The following SLC26A7 variants were observed in gnomAD, a reference collection of about 807,000 sequenced individuals.
SLC26A7 encodes the protein anion exchange transporter.
In SLC26A7, 59 loss-of-function variants were observed where a neutral mutation model predicts 82.5. That is an observed-to-expected ratio of 0.72 (90% CI 0.58 to 0.89). The LOEUF is 0.89. SLC26A7 is among the 40% of genes least tolerant of loss of function. SLC26A7 has a pLI of 0.00. For missense variants in SLC26A7, 820 were observed against 793.0 expected (o/e 1.03, Z -0.41); for synonymous variants, 271 against 274.3 (o/e 0.99, Z 0.12).
At chr8:91,307,883 GAAATGGGGTCTCAC>G (rs1232043125) in intron 4 of SLC26A7, among the ~76,000 whole-genome samples, 1 of 151,692 alleles carries the variant, frequency 6.6e-6, no homozygotes, top group Non-Finnish European at 1.5e-5. Context: ...TTTTTTTGTA[GAAATGGGGTCTCAC>G]TATGTTGCCT....
intron 2 of SLC26A7, among the ~76,000 whole-genome samples, chr8:91,222,086 A>G (rs769134268): frequency 1.3e-5 from 2 of 152,056 alleles, no homozygotes. Context: ...GAGGGCTTTC[A>G]TGTCCCTTGT....
chr8:91,317,899 T>C (rs1019461461), intron 4 of SLC26A7, among the ~76,000 whole-genome samples: 4 of 148,704 alleles, frequency 2.7e-5, no homozygotes, highest in Non-Finnish European at 4.4e-5. Context: ...GATACTCACA[T>C]TGTACCTAAT....
intron 5 of SLC26A7, among the ~76,000 whole-genome samples, chr8:91,333,797 G>T (rs779002724): frequency 6.6e-5 from 10 of 152,300 alleles, no homozygotes; most frequent in Non-Finnish European, 1.2e-4. Flanking sequence ...GTAAGTTAAT[G>T]CTGAATGACT....
intron 7 of SLC26A7, among the ~76,000 whole-genome samples, chr8:91,339,627 GATTTATTTATTT>G (rs60112814): frequency 1.2e-4 from 18 of 146,964 alleles, no homozygotes; most frequent in African/African-American, 2.8e-4. Flanking sequence ...CTGCCTGAGG[GATTTATTTATTT>G]ATTTATTTAT....
intron 15 of SLC26A7, among the ~76,000 whole-genome samples, chr8:91,383,974 T>C (rs1000569968): frequency 2.6e-5 from 4 of 152,354 alleles, no homozygotes; most frequent in South Asian, 4.1e-4. Flanking sequence ...TCTGCCATCA[T>C]AGACCTTGAA....
At chr8:91,212,627 A>G (rs1242642435) in intron 1 of SLC26A7, among the ~76,000 whole-genome samples, 1 of 152,198 alleles carries the variant, frequency 6.6e-6, no homozygotes, top group Non-Finnish European at 1.5e-5. Flanking sequence ...ACTTTGTAGT[A>G]AAAAGTTATT....
At chr8:91,369,739 TA>T in intron 14 of SLC26A7, 45 bp from the exon 15 acceptor site, 1 of 1,379,948 alleles carries the variant, frequency 7.2e-7, no homozygotes, top group Non-Finnish European at 9.9e-7. Context: ...CAGACAGAAG[TA>T]AAATTTTATA....
chr8:91,362,766 T>C (rs1334891982), intron 12 of SLC26A7, among the ~76,000 whole-genome samples: 1 of 152,034 alleles, frequency 6.6e-6, no homozygotes, highest in African/African-American at 2.4e-5. Context: ...TTTCTTTAAA[T>C]TAAGTGAAAA....
intron 14 of SLC26A7, among the ~76,000 whole-genome samples, chr8:91,368,875 T>C (rs1375176689): frequency 6.6e-6 from 1 of 152,158 alleles, no homozygotes; most frequent in Non-Finnish European, 1.5e-5. Flanking sequence ...GAGGTAGAAA[T>C]AGAGAGAGAT....
At chr8:91,307,617 G>A (rs2130793579) in intron 4 of SLC26A7, among the ~76,000 whole-genome samples, 1 of 132,780 alleles carries the variant, frequency 7.5e-6, no homozygotes, top group East Asian at 2.3e-4. Context: ...CATGGACACA[G>A]GAAGGGGAAC....
chr8:91,347,930 A>G (rs542483663), intron 9 of SLC26A7, among the ~76,000 whole-genome samples: 1 of 152,336 alleles, frequency 6.6e-6, no homozygotes, highest in African/African-American at 2.4e-5. Context: ...AACGGTAAGT[A>G]TGGGAGGGAG....
At chr8:91,297,057 A>G (rs1812035784) in intron 4 of SLC26A7, among the ~76,000 whole-genome samples, 1 of 152,216 alleles carries the variant, frequency 6.6e-6, no homozygotes, top group Admixed American at 6.5e-5. Context: ...CTTTGTATTA[A>G]CATTGCAAAG....
chr8:91,243,019 G>A (rs1034264789), intron 2 of SLC26A7, among the ~76,000 whole-genome samples: 1 of 152,080 alleles, frequency 6.6e-6, no homozygotes. Context: ...AAAATATAGA[G>A]AATATATCAC....
At chr8:91,371,081 A>G (rs1197500593) in intron 15 of SLC26A7, among the ~76,000 whole-genome samples, 2 of 151,918 alleles carry the variant, frequency 1.3e-5, no homozygotes, top group Non-Finnish European at 2.9e-5. Context: ...CAAAATAACT[A>G]TGTTCTTTTT....
At chr8:91,211,610 A>G (rs1279845721) in intron 1 of SLC26A7, among the ~76,000 whole-genome samples, 1 of 137,758 alleles carries the variant, frequency 7.3e-6, no homozygotes, top group Non-Finnish European at 1.6e-5. Context: ...ATATATATAT[A>G]TATATATTTT....
intron 2 of SLC26A7, among the ~76,000 whole-genome samples, chr8:91,268,254 T>TA (rs1811167177): frequency 6.6e-6 from 1 of 151,868 alleles, no homozygotes; most frequent in East Asian, 1.9e-4. Flanking sequence ...ACTATTACTG[T>TA]ATTGCAACTG....
At position 91,352,073 on chromosome 8, in the gene SLC26A7, G is replaced by A. The variant is rs545880608; in HGVS notation, c.1218+186G>A. 1.7e-4 allele frequency among the ~76,000 whole-genome samples: 26 copies of A among 152,052 alleles called. No homozygotes were observed. In the South Asian group the frequency reaches 2.5e-3, roughly 15 times the overall value. ...TGAGGCAGGCGTGGGAGGGGGTACC[G>A]TGGCTGTTTTTTTTTACGTTTTTGG... On this transcript the variant is annotated intron_variant, in intron 10 of 18. Coordinates refer to ENST00000276609, the MANE Select transcript of SLC26A7 (RefSeq NM_052832.4).
chr8:91,389,002 G>A (rs1814879828), intron 15 of SLC26A7, among the ~76,000 whole-genome samples: 2 of 152,106 alleles, frequency 1.3e-5, no homozygotes, highest in South Asian at 2.1e-4. Flanking sequence ...CTTTGCTTCT[G>A]TCTGTGTTTA....
chr8:91,380,071 T>C (rs1246448758), intron 15 of SLC26A7, among the ~76,000 whole-genome samples: 1 of 152,062 alleles, frequency 6.6e-6, no homozygotes, highest in African/African-American at 2.4e-5. Flanking sequence ...TATTCACAGC[T>C]ATTATTGGGG....
Sources: gnomAD v4.1 joint callset for allele counts (sites outside exome capture counted in the v4.1 genomes callset) on GRCh38, gnomAD v4.1.1 for gene constraint, MANE v1.5 for transcripts, NCBI Gene and HGNC (gene_info 2026-07-23, HGNC 2026-07-21) for gene names.